PEBP4: variants seen among roughly 807,000 people sequenced by gnomAD.
PEBP4 encodes the protein phosphatidylethanolamine-binding protein 4.
PEBP4 carries 22 observed loss-of-function variants against 23.9 expected under a neutral mutation model. That is an observed-to-expected ratio of 0.92 (90% CI 0.66 to 1.31). The LOEUF (loss-of-function observed/expected upper bound fraction) is 1.31. Among genes scored for constraint, PEBP4 ranks in the 40% most tolerant of loss-of-function variants. PEBP4 has a pLI of 0.00. For synonymous variants in PEBP4, 112 were observed against 99.3 expected (o/e 1.13, Z -0.76); for missense variants, 324 against 281.7 (o/e 1.15, Z -1.07).
intron 4 of PEBP4, 78 bp from the exon 5 acceptor site, chr8:22,727,298 C>T (rs890834421): frequency 6.3e-6 from 9 of 1,418,002 alleles, no homozygotes; most frequent in Non-Finnish European, 9.9e-7. Context: ...GGGATTGCTT[C>T]TCTCTCTGCA....
chr8:22,804,109 T>G (rs181939055), intron 4 of PEBP4, among the ~76,000 whole-genome samples: 207 of 152,296 alleles, frequency 1.4e-3, no homozygotes, highest in African/African-American at 4.7e-3. Context: ...GTGGGAGGAT[T>G]GCTTGAGGCC....
intron 3 of PEBP4, among the ~76,000 whole-genome samples, chr8:22,818,603 C>T (rs1806794934): frequency 4.6e-5 from 7 of 152,082 alleles, no homozygotes; most frequent in Admixed American, 4.6e-4. Context: ...AAGTGCAACA[C>T]AGAACTGTTT....
At chr8:22,849,798 CTT>C (rs1807514326) in intron 3 of PEBP4, among the ~76,000 whole-genome samples, 1 of 152,206 alleles carries the variant, frequency 6.6e-6, no homozygotes, top group South Asian at 2.1e-4. Flanking sequence ...CTTCTGATTC[CTT>C]TCACATACAG....
intron 4 of PEBP4, among the ~76,000 whole-genome samples, chr8:22,787,890 G>C (rs888927393): frequency 6.6e-6 from 1 of 152,174 alleles, no homozygotes; most frequent in Non-Finnish European, 1.5e-5. Flanking sequence ...AGAAGATCTG[G>C]GCAGATGAAG....
intron 6 of PEBP4, among the ~76,000 whole-genome samples, chr8:22,720,770 G>A (rs1804500817): frequency 6.6e-6 from 1 of 152,206 alleles, no homozygotes; most frequent in East Asian, 1.9e-4. Context: ...TGCTTGTGCT[G>A]TTTGAATATC....
At chr8:22,857,108 T>C (rs1653542274) in intron 3 of PEBP4, among the ~76,000 whole-genome samples, 1 of 152,202 alleles carries the variant, frequency 6.6e-6, no homozygotes, top group Admixed American at 6.5e-5. Flanking sequence ...GAGGAATTTA[T>C]ACCAAGATAT....
At chr8:22,854,496 G>C (rs573003256) in intron 3 of PEBP4, among the ~76,000 whole-genome samples, 1 of 152,276 alleles carries the variant, frequency 6.6e-6, no homozygotes, top group East Asian at 1.9e-4. Flanking sequence ...GAATGTAATA[G>C]TGCCTTGATA....
chr8:22,848,601 T>C (rs1807489141), intron 3 of PEBP4, among the ~76,000 whole-genome samples: 1 of 152,098 alleles, frequency 6.6e-6, no homozygotes, highest in African/African-American at 2.4e-5. Context: ...CAAATTCCAC[T>C]TGGAGCCATA....
intron 5 of PEBP4, among the ~76,000 whole-genome samples, chr8:22,726,379 G>GT (rs1804623800): frequency 1.3e-5 from 2 of 152,222 alleles, no homozygotes; most frequent in Non-Finnish European, 2.9e-5. Flanking sequence ...CCCAAAACTG[G>GT]TGACCTCAGT....
intron 3 of PEBP4, among the ~76,000 whole-genome samples, chr8:22,853,643 A>G (rs770781445): frequency 1.1e-4 from 17 of 152,154 alleles, no homozygotes; most frequent in Non-Finnish European, 2.1e-4. Context: ...CCTCACTGCA[A>G]ATTCCCTTCA....
intron 3 of PEBP4, among the ~76,000 whole-genome samples, chr8:22,832,504 G>A (rs1417841804): frequency 6.6e-6 from 1 of 152,154 alleles, no homozygotes; most frequent in African/African-American, 2.4e-5. Context: ...AAGCCACCCA[G>A]TCTATGGAAT....
rs567949313 is a variant in PEBP4, at chr8:22,831,153, T to A, written c.259-13418A>T. The stretch of plus-strand genomic sequence containing the variant: ...CCCCATCCCTGGAACTACTTAACTT[T>A]CATTCATTCTTCAGAACTCAATTCA... On this transcript the variant is annotated intron_variant, in intron 3 of 6. Coordinates refer to ENST00000256404, the MANE Select transcript of PEBP4 (RefSeq NM_144962.3). Among the ~76,000 whole-genome samples the A allele has an allele frequency of 1.5e-4, 23 of 152,318 alleles. No individual in the cohort carries two copies. The East Asian group carries it at 4.2e-3, about 28-fold the overall frequency.
chr8:22,734,469 C>T (rs1313221481), intron 4 of PEBP4, among the ~76,000 whole-genome samples: 1 of 152,188 alleles, frequency 6.6e-6, no homozygotes, highest in Non-Finnish European at 1.5e-5. Context: ...CAGTTTCCCT[C>T]CAGAAATGTC....
chr8:22,745,607 A>C (rs1293558490), intron 4 of PEBP4: 1 of 152,392 alleles, frequency 6.6e-6, no homozygotes, highest in Non-Finnish European at 1.5e-5. Flanking sequence ...TCCTTCTCCC[A>C]GCATTCCCTC....
chr8:22,720,934 G>A (rs933616244), intron 6 of PEBP4, among the ~76,000 whole-genome samples: 4 of 152,236 alleles, frequency 2.6e-5, no homozygotes, highest in African/African-American at 9.6e-5. Context: ...TCAGCTGAGC[G>A]AATGCAGAAG....
intron 3 of PEBP4, among the ~76,000 whole-genome samples, chr8:22,871,200 C>T (rs1229130971): frequency 6.6e-6 from 1 of 152,114 alleles, no homozygotes; most frequent in South Asian, 2.1e-4. Flanking sequence ...AGAGTCCAGC[C>T]TCTGTCTAGA....
chr8:22,837,871 CTT>C (rs1807237653), intron 3 of PEBP4, among the ~76,000 whole-genome samples: 1 of 133,114 alleles, frequency 7.5e-6, no homozygotes, highest in Non-Finnish European at 1.6e-5. Context: ...TTTGGCCTCT[CTT>C]ATTAGATTAT....
At chr8:22,869,996 G>C (rs60751640) in intron 3 of PEBP4, among the ~76,000 whole-genome samples, 2,167 of 152,268 alleles carry the variant, frequency 0.014, 52 homozygotes, top group African/African-American at 0.049. Flanking sequence ...AGACAGTTTG[G>C]CAGTTTCTCA....
intron 6 of PEBP4, among the ~76,000 whole-genome samples, chr8:22,718,566 C>T (rs188689565): frequency 9.3e-4 from 142 of 152,286 alleles, no homozygotes; most frequent in Non-Finnish European, 1.5e-3. Context: ...GAGTGTTGCC[C>T]GGGATGGCCC....
Sources: gnomAD v4.1 joint callset for allele counts (sites outside exome capture counted in the v4.1 genomes callset) on GRCh38, gnomAD v4.1.1 for gene constraint, MANE v1.5 for transcripts, NCBI Gene and HGNC (gene_info 2026-07-23, HGNC 2026-07-21) for gene names.